Variants in SORCS1 observed in about 807,000 individuals in gnomAD.
The protein encoded by SORCS1 is VPS10 domain-containing receptor SorCS1.
Under a neutral mutation model 146.1 loss-of-function variants are expected in SORCS1, and 60 were observed. That is an observed-to-expected ratio of 0.41 (90% CI 0.33 to 0.51). SORCS1 has a LOEUF of 0.51. Ranked by LOEUF, SORCS1 falls within the 20% of genes least tolerant of loss-of-function variation. SORCS1 has a pLI of 0.21. For synonymous variants in SORCS1, 637 were observed against 584.0 expected (o/e 1.09, Z -1.31); for missense variants, 1,352 against 1,487.6 (o/e 0.91, Z 1.50).
intron 1 of SORCS1, among the ~76,000 whole-genome samples, chr10:107,110,248 T>C (rs937557317): frequency 2.0e-5 from 3 of 152,190 alleles, no homozygotes; most frequent in African/African-American, 7.2e-5. Flanking sequence ...GGTATCTTTA[T>C]AGCAATACCC....
chr10:106,948,837 T>G (rs1379003151), intron 2 of SORCS1, among the ~76,000 whole-genome samples: 6 of 152,026 alleles, frequency 3.9e-5, no homozygotes, highest in Non-Finnish European at 2.9e-5. Context: ...GGCAGGCGCC[T>G]GTAGTCCCAG....
intron 1 of SORCS1, among the ~76,000 whole-genome samples, chr10:107,053,164 G>T (rs1960282393): frequency 6.6e-6 from 1 of 152,086 alleles, no homozygotes; most frequent in African/African-American, 2.4e-5. Context: ...AAGAAACCCT[G>T]TCCCAAGTCA....
intron 12 of SORCS1, 23 bp from the exon 13 acceptor site, chr10:106,677,427 T>A (rs754657898): frequency 6.3e-7 from 1 of 1,596,250 alleles, no homozygotes; most frequent in Non-Finnish European, 8.6e-7. Flanking sequence ...AACACATACA[T>A]GGACACACAT....
At chr10:106,959,056 G>A (rs925413067) in intron 1 of SORCS1, among the ~76,000 whole-genome samples, 1 of 152,162 alleles carries the variant, frequency 6.6e-6, no homozygotes, top group Non-Finnish European at 1.5e-5. Context: ...TTCTTGTGAT[G>A]AGGGAATTCA....
intron 5 of SORCS1, among the ~76,000 whole-genome samples, chr10:106,738,863 ACGT>A (rs773066570): frequency 6.6e-6 from 1 of 152,002 alleles, no homozygotes; most frequent in Non-Finnish European, 1.5e-5. Flanking sequence ...ACAGTGGCTC[ACGT>A]CTGTAATCCC....
At chr10:106,628,822 A>C (rs2133571104) in intron 19 of SORCS1, among the ~76,000 whole-genome samples, 1 of 152,350 alleles carries the variant, frequency 6.6e-6, no homozygotes, top group South Asian at 2.1e-4. Flanking sequence ...TCAATGCATT[A>C]GATTGAGTGG....
intron 1 of SORCS1, among the ~76,000 whole-genome samples, chr10:107,131,853 A>G (rs1307658000): frequency 1.3e-5 from 2 of 152,210 alleles, no homozygotes; most frequent in Non-Finnish European, 2.9e-5. Flanking sequence ...TTACAGACTG[A>G]GCAGCCGAGG....
intron 1 of SORCS1, among the ~76,000 whole-genome samples, chr10:107,056,490 G>C (rs1564980335): frequency 6.6e-6 from 1 of 152,194 alleles, no homozygotes; most frequent in Admixed American, 6.5e-5. Context: ...CTGAGAAAGA[G>C]AATGAGGTGT....
intron 5 of SORCS1, among the ~76,000 whole-genome samples, chr10:106,733,627 T>C (rs1856763504): frequency 6.6e-6 from 1 of 152,206 alleles, no homozygotes; most frequent in African/African-American, 2.4e-5. Flanking sequence ...ATGTGTTTCA[T>C]CCTCATCCTC....
intron 1 of SORCS1, among the ~76,000 whole-genome samples, chr10:106,988,698 A>G (rs1439420933): frequency 6.6e-6 from 1 of 152,180 alleles, no homozygotes; most frequent in East Asian, 1.9e-4. Context: ...TAACACTCAT[A>G]TAGCACTATA....
At chr10:107,059,591 A>C (rs1262984270) in intron 1 of SORCS1, among the ~76,000 whole-genome samples, 2 of 152,220 alleles carry the variant, frequency 1.3e-5, no homozygotes, top group Non-Finnish European at 2.9e-5. Flanking sequence ...AAAGTCACTG[A>C]AACGCTGTGG....
chr10:106,844,306 CT>C (rs1949208892), intron 2 of SORCS1, among the ~76,000 whole-genome samples: 1 of 151,936 alleles, frequency 6.6e-6, no homozygotes, highest in African/African-American at 2.4e-5. Context: ...TATGCAGAAA[CT>C]TTTTTGATTA....
intron 5 of SORCS1, among the ~76,000 whole-genome samples, chr10:106,734,991 C>T (rs1856846480): frequency 1.3e-5 from 2 of 151,796 alleles, no homozygotes; most frequent in Non-Finnish European, 2.9e-5. Context: ...ACTAAAAGTA[C>T]AAAAATTAGC....
rs553142099 is a variant in SORCS1 at position 106,919,282 on chromosome 10, T to C, written c.626+37231A>G. Among the ~76,000 whole-genome samples the C allele has an allele frequency of 2.6e-5, 4 of 152,346 alleles. No homozygotes were observed. The South Asian group carries it at 8.3e-4, about 32-fold the overall frequency. On this transcript the variant is annotated intron_variant, in intron 2 of 25. Coordinates refer to ENST00000263054, the MANE Select transcript of SORCS1 (RefSeq NM_052918.5). ...CTCACACAATATTAGTGTGAGGTAC[T>C]TTCACCCAGGTCTTCTGATTTTAAA...
intron 6 of SORCS1, among the ~76,000 whole-genome samples, chr10:106,709,785 G>A (rs1339169971): frequency 6.6e-6 from 1 of 152,098 alleles, no homozygotes; most frequent in Non-Finnish European, 1.5e-5. Context: ...CACAGTCTTT[G>A]TTAAATACGT....
In SORCS1 at chr10:106,688,195, C is replaced by A. The variant is rs779137691; in HGVS notation, c.1557G>T (p.Leu519Phe). 1.2e-6 allele frequency: 2 copies of A among 1,612,368 alleles called. No homozygotes were observed. The highest frequency in any genetic ancestry group is 1.6e-4 in the Middle Eastern group (1 of 6,064). Residue 519 changes from leucine to phenylalanine, a missense_variant, in exon 10 of 26, where the codon TTG (leucine) becomes TTT (phenylalanine). Leu to Phe is a conservative substitution (Grantham distance 22). Coordinates refer to ENST00000263054, the MANE Select transcript of SORCS1 (RefSeq NM_052918.5). ...TDLRGDPVHC[L>F]LPYCSLHLHL... The stretch of plus-strand genomic sequence containing the variant: ...CTGCTTCAATAGGAAGACTCACCAG[C>A]AAGCAGTGCACGGGGTCCCCCCTTA...
chr10:106,652,289 A>C lies in SORCS1; in HGVS notation c.2475+93T>G. 3.7e-6 allele frequency: 5 copies of C among 1,364,308 alleles called. No individual in the cohort carries two copies. In the South Asian group the frequency reaches 9.3e-5, roughly 25 times the overall value. 84.5% of individuals were successfully genotyped at this position (1,364,308 alleles called of 1,614,324 possible). On this transcript the variant is annotated intron_variant, in intron 18 of 25. Transcript: ENST00000263054. ...AATTTTTAAATAGCATCTAAAATGG[A>C]GAAAGTTGAAAAAGATATGGAAACA...
chr10:106,614,680 C>T (rs1337647659), intron 21 of SORCS1, among the ~76,000 whole-genome samples: 1 of 152,164 alleles, frequency 6.6e-6, no homozygotes, highest in African/African-American at 2.4e-5. Context: ...GAATGTTTAT[C>T]TTAGTAAAAG....
At chr10:106,844,619 T>G (rs977011370) in intron 2 of SORCS1, among the ~76,000 whole-genome samples, 1 of 151,378 alleles carries the variant, frequency 6.6e-6, no homozygotes, top group Non-Finnish European at 1.5e-5. Flanking sequence ...TTAGGGTACA[T>G]GTGCACATTG....
Sources: gnomAD v4.1 joint callset for allele counts (sites outside exome capture counted in the v4.1 genomes callset) on GRCh38, gnomAD v4.1.1 for gene constraint, MANE v1.5 for transcripts, NCBI Gene and HGNC (gene_info 2026-07-23, HGNC 2026-07-21) for gene names.